The following MACROD2 variants were observed in gnomAD, a reference collection of about 807,000 sequenced individuals.
The protein encoded by MACROD2 is ADP-ribose glycohydrolase MACROD2.
MACROD2 carries 36 observed loss-of-function variants against 70.4 expected under a neutral mutation model. The ratio of observed to expected loss-of-function variants is 0.51; its 90% CI spans 0.39 to 0.68. The LOEUF (loss-of-function observed/expected upper bound fraction) is 0.68. Ranked by LOEUF, MACROD2 falls within the 30% of genes least tolerant of loss-of-function variation. The pLI is 0.00. For synonymous variants in MACROD2, 172 were observed against 178.8 expected, an observed-to-expected ratio of 0.96 and a Z score of 0.30; for missense variants, 496 against 538.4, an observed-to-expected ratio of 0.92 and a Z score of 0.78.
chr20:15,040,357 T>C (rs921073314), intron 5 of MACROD2, among the ~76,000 whole-genome samples: 1 of 151,316 alleles, frequency 6.6e-6, no homozygotes, highest in South Asian at 2.1e-4. Context: ...CCCCTCTCAA[T>C]AGTGTATTTG....
chr20:15,775,681 A>G (rs1216177701), intron 8 of MACROD2, among the ~76,000 whole-genome samples: 2 of 152,164 alleles, frequency 1.3e-5, no homozygotes, highest in African/African-American at 4.8e-5. Flanking sequence ...AATGTTTGGC[A>G]AATGAAAGAA....
At chr20:14,442,076 C>T (rs1043339763) in intron 3 of MACROD2, among the ~76,000 whole-genome samples, 29 of 151,936 alleles carry the variant, frequency 1.9e-4, no homozygotes, top group African/African-American at 6.8e-4. Flanking sequence ...TTGAGACCAG[C>T]CTGGCCAACA....
chr20:15,207,452 T>G (rs2076721079), intron 5 of MACROD2, among the ~76,000 whole-genome samples: 1 of 145,284 alleles, frequency 6.9e-6, no homozygotes, highest in South Asian at 2.2e-4. Context: ...TTTTTTTTTT[T>G]TTTTTCAGAG....
At position 15,616,489 on chromosome 20, in the gene MACROD2, T is replaced by C. The variant is rs572972274; in HGVS notation, c.645+116642T>C. Among the ~76,000 whole-genome samples the C allele has an allele frequency of 2.1e-4, 32 of 152,268 alleles. No individual in the cohort carries two copies. In the South Asian group the frequency reaches 2.5e-3, roughly 12 times the overall value. On this transcript the variant is annotated intron_variant, in intron 8 of 17. Coordinates refer to ENST00000684519, the MANE Select transcript of MACROD2 (RefSeq NM_001351661.2). ...CCTTTACATTTGGGCTGAAACCTAC[T>C]CTTGGACCTTCACCTGGTAGCTCAT...
chr20:14,080,611 G>T (rs1360235929), intron 2 of MACROD2, among the ~76,000 whole-genome samples: 1 of 152,000 alleles, frequency 6.6e-6, no homozygotes, highest in African/African-American at 2.4e-5. Flanking sequence ...AAAAGGAAGT[G>T]AGTGGAGAGA....
intron 3 of MACROD2, among the ~76,000 whole-genome samples, chr20:14,227,529 C>G (rs1423016383): frequency 6.6e-6 from 1 of 152,138 alleles, no homozygotes; most frequent in Admixed American, 6.5e-5. Flanking sequence ...TGCAGCTTCA[C>G]TCCTGAGCCA....
At chr20:14,459,077 A>G (rs1368802582) in intron 3 of MACROD2, among the ~76,000 whole-genome samples, 1 of 152,050 alleles carries the variant, frequency 6.6e-6, no homozygotes, top group East Asian at 1.9e-4. Flanking sequence ...TTTATTACCA[A>G]AAGAAGGTGT....
At chr20:15,670,865 G>A (rs6110722) in intron 8 of MACROD2, among the ~76,000 whole-genome samples, 1 of 152,212 alleles carries the variant, frequency 6.6e-6, no homozygotes. Context: ...GACCTGTGAA[G>A]GCTTGACTTT....
At chr20:15,282,148 C>G (rs1371259152) in intron 6 of MACROD2, among the ~76,000 whole-genome samples, 1 of 152,314 alleles carries the variant, frequency 6.6e-6, no homozygotes, top group Admixed American at 6.5e-5. Context: ...CTGGGCCCAG[C>G]CCATGAAACC....
intron 5 of MACROD2, among the ~76,000 whole-genome samples, chr20:15,041,270 G>A (rs2075354201): frequency 6.6e-6 from 1 of 152,074 alleles, no homozygotes; most frequent in South Asian, 2.1e-4. Context: ...CATTGGAAGG[G>A]GACATCTCTT....
intron 3 of MACROD2, among the ~76,000 whole-genome samples, chr20:14,436,866 A>G (rs889982269): frequency 2.0e-5 from 3 of 152,208 alleles, no homozygotes; most frequent in African/African-American, 7.2e-5. Context: ...TTAAGCATGC[A>G]CTTACTGTGT....
At chr20:14,015,115 G>A (rs891830037) in intron 2 of MACROD2, among the ~76,000 whole-genome samples, 1 of 151,790 alleles carries the variant, frequency 6.6e-6, no homozygotes, top group African/African-American at 2.4e-5. Context: ...GAGTTCTCTT[G>A]TTTCCCAATC....
intron 5 of MACROD2, among the ~76,000 whole-genome samples, chr20:14,887,816 G>T (rs1161617043): frequency 6.6e-6 from 1 of 151,492 alleles, no homozygotes; most frequent in Non-Finnish European, 1.5e-5. Context: ...ATCACAATTG[G>T]ACTTGTCTCG....
rs537703025 is a variant in MACROD2, at chr20:14,955,691, G to A, written c.418+270732G>A. On this transcript the variant is annotated intron_variant, in intron 5 of 17. Coordinates refer to ENST00000684519, the MANE Select transcript of MACROD2 (RefSeq NM_001351661.2). ...TTTGTCTTGTAGTTTCTAACTCTGCGACCAGCGCTCCCCCACCCCCAGCCC... is the reference window on the plus strand; with the variant it reads ...TTTGTCTTGTAGTTTCTAACTCTGCAACCAGCGCTCCCCCACCCCCAGCCC... Among the ~76,000 whole-genome samples the A allele has an allele frequency of 3.9e-5, 6 of 151,934 alleles. No homozygotes were observed. In the South Asian group the frequency reaches 1.0e-3, roughly 26 times the overall value.
At chr20:15,158,521 G>A (rs1157235582) in intron 5 of MACROD2, among the ~76,000 whole-genome samples, 2 of 152,082 alleles carry the variant, frequency 1.3e-5, no homozygotes, top group Non-Finnish European at 1.5e-5. Flanking sequence ...TTCAAATAGG[G>A]TCTTTCAAGT....
intron 5 of MACROD2, among the ~76,000 whole-genome samples, chr20:15,106,531 A>G (rs540430627): frequency 6.6e-6 from 1 of 152,348 alleles, no homozygotes; most frequent in African/African-American, 2.4e-5. Flanking sequence ...AGTCCAATCC[A>G]GGCTTGAACC....
intron 5 of MACROD2, among the ~76,000 whole-genome samples, chr20:14,975,413 T>C (rs1047756249): frequency 2.6e-5 from 4 of 151,886 alleles, no homozygotes; most frequent in African/African-American, 7.3e-5. Context: ...GGCAGCAGGC[T>C]GGGGCGGGCA....
chr20:15,636,676 G>A (rs1194402673), intron 8 of MACROD2, among the ~76,000 whole-genome samples: 1 of 152,106 alleles, frequency 6.6e-6, no homozygotes, highest in East Asian at 1.9e-4. Flanking sequence ...GAGTGATAGG[G>A]CAGAAAGTGC....
intron 5 of MACROD2, among the ~76,000 whole-genome samples, chr20:15,133,538 T>C (rs1380296435): frequency 6.6e-6 from 1 of 152,192 alleles, no homozygotes; most frequent in South Asian, 2.1e-4. Context: ...AGAGTGGATA[T>C]ATTGATAAAG....
Sources: allele counts gnomAD v4.1 joint callset (sites outside exome capture counted in the v4.1 genomes callset), GRCh38; gene constraint gnomAD v4.1.1; transcripts MANE v1.5; gene names NCBI Gene and HGNC (gene_info 2026-07-23, HGNC 2026-07-21).